The following UBTD1 variants were observed in gnomAD, a reference collection of about 807,000 sequenced individuals.
UBTD1 encodes the protein ubiquitin domain containing 1.
A neutral mutation model predicts 21.7 loss-of-function variants in UBTD1; 19 were observed. The ratio of observed to expected loss-of-function variants is 0.87; its 90% CI spans 0.61 to 1.28. UBTD1 has a LOEUF of 1.28. UBTD1 is among the 50% of genes most tolerant of loss of function. The pLI is 0.00. For synonymous variants in UBTD1, 116 were observed against 135.1 expected, an observed-to-expected ratio of 0.86 and a Z score of 0.98; for missense variants, 282 against 315.1, an observed-to-expected ratio of 0.89 and a Z score of 0.80.
rs552882812 is a variant in UBTD1, at chr10:97,523,742, G to A, written c.70+24469G>A. Among the ~76,000 whole-genome samples the A allele has an allele frequency of 2.4e-3, 361 of 152,198 alleles. 1 individual carries two copies. Among genetic ancestry groups the A allele is most frequent in the Middle Eastern group, 0.017 (5 of 294 alleles). On this transcript the variant is annotated intron_variant, in intron 1 of 2. Transcript: ENST00000370664. ...CTCTGTCTTTGTACCTTCTTTGGGT[G>A]TAACTTGGTGGACATCAGAGTTCAG...
At chr10:97,538,681 A>G (rs925059132) in intron 1 of UBTD1, among the ~76,000 whole-genome samples, 2 of 152,176 alleles carry the variant, frequency 1.3e-5, no homozygotes, top group African/African-American at 4.8e-5. Flanking sequence ...TTTCTACTTT[A>G]ACAGAGTCTC....
At chr10:97,516,756 G>A (rs1364733394) in intron 1 of UBTD1, among the ~76,000 whole-genome samples, 1 of 151,850 alleles carries the variant, frequency 6.6e-6, no homozygotes, top group Non-Finnish European at 1.5e-5. Flanking sequence ...GGGCAACAGA[G>A]TGAGACTCTG....
In UBTD1 at chr10:97,504,454, G is replaced by A. The variant is rs116659568; in HGVS notation, c.70+5181G>A. Among the ~76,000 whole-genome samples the A allele has an allele frequency of 4.8e-3, 729 of 152,186 alleles. 9 individuals are homozygous for A. Among genetic ancestry groups the A allele is most frequent in the African/African-American group, 0.016 (676 of 41,508 alleles). On this transcript the variant is annotated intron_variant, in intron 1 of 2. Coordinates refer to ENST00000370664, the MANE Select transcript of UBTD1 (RefSeq NM_024954.5). ...TTGTTCAACCCCCCGATATCTGAATGGGTCCCTCTCTCTCCTTGTCCCAGT... is the reference window on the plus strand; with the variant it reads ...TTGTTCAACCCCCCGATATCTGAATAGGTCCCTCTCTCTCCTTGTCCCAGT...
Position 97,570,129 on chromosome 10 carries a change from C to G in UBTD1, c.299-9C>G. On this transcript the variant is annotated splice_polypyrimidine_tract_variant and intron_variant, in intron 2 of 2. Transcript: ENST00000370664. This position sits in a 1 kb window ranked among gnomAD's most constrained non-coding sequence, Gnocchi z 6.6. The stretch of plus-strand genomic sequence containing the variant: ...CAAGCTGACTCTGACAGCCCTGCCT[C>G]TCCTACAGGCACCCTCTGTGAATGC... 1 of 1,595,080 alleles carries G rather than the reference C, an allele frequency of 6.3e-7. No homozygotes were observed. The highest frequency in any genetic ancestry group is 8.6e-7 in the Non-Finnish European group (1 of 1,167,054).
In UBTD1 at chr10:97,570,353, G is replaced by A. The variant is rs759421272; in HGVS notation, c.514G>A (p.Gly172Arg). 2 of 1,613,322 alleles carry A rather than the reference G, an allele frequency of 1.2e-6. No individual in the cohort carries two copies. The highest frequency in any genetic ancestry group is 8.5e-7 in the Non-Finnish European group (1 of 1,179,970). Residue 172 changes from glycine (G) to arginine (R), a missense_variant, in exon 3 of 3, where the codon GGG (glycine) becomes AGG (arginine). By Grantham distance (125) the Gly-to-Arg change is moderately radical. Transcript: ENST00000370664. The surrounding 1 kb of genome is among the most constrained non-coding windows in gnomAD (Gnocchi z 6.6). ...RLSASLPDTV[G>R]QLKRQLHAQE... Reference sequence around the variant, plus strand: ...CAGCGCCAGCCTGCCCGACACAGTGGGGCAGCTCAAGAGGCAGCTGCACGC... The same window carrying A: ...CAGCGCCAGCCTGCCCGACACAGTGAGGCAGCTCAAGAGGCAGCTGCACGC...
At chr10:97,511,113 C>A (rs2040421692) in intron 1 of UBTD1, among the ~76,000 whole-genome samples, 1 of 152,190 alleles carries the variant, frequency 6.6e-6, no homozygotes, top group African/African-American at 2.4e-5. Flanking sequence ...TAAACTTCCA[C>A]ATCAGAGCCT....
At chr10:97,515,820 A>C (rs561707707) in intron 1 of UBTD1, among the ~76,000 whole-genome samples, 1 of 152,216 alleles carries the variant, frequency 6.6e-6, no homozygotes, top group Non-Finnish European at 1.5e-5. Context: ...CCCTCAGTCT[A>C]CTCAGCTCCA....
intron 1 of UBTD1, among the ~76,000 whole-genome samples, chr10:97,556,442 T>C (rs978604039): frequency 9.2e-5 from 14 of 152,358 alleles, no homozygotes; most frequent in African/African-American, 3.1e-4. Context: ...GCAAGAACAG[T>C]CAAGTCTTGA....
At chr10:97,517,519 G>A (rs1358296513) in intron 1 of UBTD1, among the ~76,000 whole-genome samples, 2 of 152,198 alleles carry the variant, frequency 1.3e-5, no homozygotes, top group Admixed American at 1.3e-4. Context: ...GAGGTGTGGG[G>A]AAGGGCTGAG....
At chr10:97,518,753 C>G (rs1429683282) in intron 1 of UBTD1, among the ~76,000 whole-genome samples, 1 of 152,158 alleles carries the variant, frequency 6.6e-6, no homozygotes, top group Non-Finnish European at 1.5e-5. Context: ...GAGAGGGTTG[C>G]CAGACTGCCC....
At chr10:97,522,284 T>A (rs1295817775) in intron 1 of UBTD1, among the ~76,000 whole-genome samples, 1 of 152,272 alleles carries the variant, frequency 6.6e-6, no homozygotes, top group Non-Finnish European at 1.5e-5. Context: ...TTGAACGCAC[T>A]GAATGCGTTG....
rs2040277913 is a variant in UBTD1 at position 97,498,926 on chromosome 10, C to T, written c.-278C>T. On this transcript the variant is annotated 5_prime_UTR_variant, in exon 1 of 3. Transcript: ENST00000370664. ...AGCTGCGGCGGTGCCCGCCCCCTCTCTCCGCCCCTCCAGCGGAGCTGGTCT... is the reference window on the plus strand; with the variant it reads ...AGCTGCGGCGGTGCCCGCCCCCTCTTTCCGCCCCTCCAGCGGAGCTGGTCT... 9.7e-6 allele frequency: 4 copies of T among 411,912 alleles called. 1 individual carries two copies. In the South Asian group the frequency reaches 1.7e-4, roughly 17 times the overall value. 25.5% of individuals were successfully genotyped at this position (411,912 alleles called of 1,614,324 possible).
chr10:97,554,240 T>G (rs1293182177), intron 1 of UBTD1, among the ~76,000 whole-genome samples: 1 of 135,790 alleles, frequency 7.4e-6, no homozygotes, highest in African/African-American at 2.6e-5. Flanking sequence ...TTTTTTTGTT[T>G]GTTTTCGTTT....
chr10:97,523,008 AC>A (rs1479256565), intron 1 of UBTD1, among the ~76,000 whole-genome samples: 3 of 152,008 alleles, frequency 2.0e-5, no homozygotes, highest in Non-Finnish European at 4.4e-5. Context: ...TCCCCTGCCT[AC>A]CTGGAGATCT....
intron 1 of UBTD1, among the ~76,000 whole-genome samples, chr10:97,524,041 C>G (rs932448057): frequency 2.6e-5 from 4 of 152,178 alleles, no homozygotes; most frequent in Non-Finnish European, 5.9e-5. Context: ...TCTTTAGCAG[C>G]AGGACTTGGC....
intron 1 of UBTD1, among the ~76,000 whole-genome samples, chr10:97,557,096 C>T (rs980430853): frequency 6.6e-6 from 1 of 152,184 alleles, no homozygotes; most frequent in African/African-American, 2.4e-5. Flanking sequence ...TGTCGGACTT[C>T]CCATGGCCAT....
chr10:97,557,223 T>G (rs2040668613), intron 1 of UBTD1, among the ~76,000 whole-genome samples: 1 of 152,234 alleles, frequency 6.6e-6, no homozygotes, highest in Non-Finnish European at 1.5e-5. Context: ...TCTCAAGTAC[T>G]GGCACATTTA....
chr10:97,551,383 A>AG (rs1228382543), intron 1 of UBTD1, among the ~76,000 whole-genome samples: 1 of 151,918 alleles, frequency 6.6e-6, no homozygotes, highest in East Asian at 1.9e-4. Context: ...AAAAAAAAAA[A>AG]AAGTTTAAAC....
intron 1 of UBTD1, among the ~76,000 whole-genome samples, chr10:97,522,525 C>A (rs1053929210): frequency 6.6e-6 from 1 of 152,152 alleles, no homozygotes; most frequent in African/African-American, 2.4e-5. Flanking sequence ...TGGTGAAGAT[C>A]GGAGACAGGG....
Sources: gnomAD v4.1 joint callset for allele counts (sites outside exome capture counted in the v4.1 genomes callset) on GRCh38, gnomAD v4.1.1 for gene constraint, Gnocchi (gnomAD v3.1) non-coding constraint, MANE v1.5 for transcripts, NCBI Gene and HGNC (gene_info 2026-07-23, HGNC 2026-07-21) for gene names.